The following GGPS1 variants were observed in gnomAD, a reference collection of about 807,000 sequenced individuals.
The protein encoded by GGPS1 is geranylgeranyl diphosphate synthase 1.
GGPS1 carries 15 observed loss-of-function variants against 28.1 expected under a neutral mutation model. The ratio of observed to expected loss-of-function variants is 0.53; its 90% CI spans 0.36 to 0.82. The LOEUF is 0.82. GGPS1 is among the 40% of genes least tolerant of loss of function. The probability of loss-of-function intolerance (pLI) is 0.01; values close to 1 mark genes in which losing one functional copy is unlikely to be tolerated. For synonymous variants in GGPS1, 138 were observed against 122.4 expected, an observed-to-expected ratio of 1.13 and a Z score of -0.84; for missense variants, 284 against 348.3, an observed-to-expected ratio of 0.82 and a Z score of 1.47.
At chr1:235,335,415 G>A in intron 2 of GGPS1, 81 bp downstream of exon 2, 1 of 668,978 alleles carries the variant, frequency 1.5e-6, no homozygotes, top group Admixed American at 2.6e-5. Flanking sequence ...GAAAAGGTTA[G>A]ACTTGCTAGC....
chr1:235,337,740 C>T (rs950829519), intron 2 of GGPS1, among the ~76,000 whole-genome samples: 1 of 151,420 alleles, frequency 6.6e-6, no homozygotes, highest in Non-Finnish European at 1.5e-5. Context: ...TCACAGGAGC[C>T]TAGGAGGCAG....
intron 1 of GGPS1, chr1:235,330,002 T>C (rs1186409107): frequency 6.6e-6 from 1 of 152,252 alleles, no homozygotes; most frequent in African/African-American, 2.4e-5. Context: ...TGTAGTTTTT[T>C]CACTCTAAAA....
chr1:235,331,691 C>A (rs1351795483), intron 1 of GGPS1, among the ~76,000 whole-genome samples: 3 of 150,660 alleles, frequency 2.0e-5, no homozygotes, highest in African/African-American at 7.3e-5. Flanking sequence ...GTTTCTGTGA[C>A]CCATGAGATG....
chr1:235,341,158 C>T (rs1676032494), intron 2 of GGPS1, among the ~76,000 whole-genome samples: 1 of 151,894 alleles, frequency 6.6e-6, no homozygotes, highest in Admixed American at 6.6e-5. Context: ...ATTAAAACCC[C>T]CTTTCTATAA....
intron 2 of GGPS1, among the ~76,000 whole-genome samples, chr1:235,340,608 C>T (rs1309626782): frequency 2.0e-5 from 3 of 150,646 alleles, no homozygotes; most frequent in Non-Finnish European, 4.4e-5. Context: ...TGGTAGCGGG[C>T]GCCTGTAGTC....
Position 235,335,475 on chromosome 1 carries a change from G to A in GGPS1, c.70+141G>A. 3 of 511,984 alleles carry A rather than the reference G, an allele frequency of 5.9e-6. No individual in the cohort carries two copies. In the South Asian group the frequency reaches 7.6e-5, roughly 13 times the overall value. The allele number at this position is 511,984 out of a possible 1,614,324, so 31.7% of individuals were successfully genotyped here. ...ATGCGTATGAGAAAAATGATAAATA[G>A]AACATTATAATTTTTTCTTTATTAA... On this transcript the variant is annotated intron_variant, in intron 2 of 3. Coordinates refer to ENST00000282841, the MANE Select transcript of GGPS1 (RefSeq NM_004837.4).
intron 2 of GGPS1, among the ~76,000 whole-genome samples, chr1:235,338,893 G>T (rs2103346953): frequency 6.6e-6 from 1 of 152,090 alleles, no homozygotes; most frequent in East Asian, 1.9e-4. Flanking sequence ...GCCGGGCGTG[G>T]TGGGTCACAC....
chr1:235,338,681 G>A (rs1000637354), intron 2 of GGPS1, among the ~76,000 whole-genome samples: 2 of 151,966 alleles, frequency 1.3e-5, no homozygotes, highest in African/African-American at 4.8e-5. Flanking sequence ...AGACCAGCCT[G>A]GGCAACAGGG....
At chr1:235,340,336 C>T (rs1252317931) in intron 2 of GGPS1, among the ~76,000 whole-genome samples, 1 of 151,202 alleles carries the variant, frequency 6.6e-6, no homozygotes, top group African/African-American at 2.4e-5. Flanking sequence ...CGGGCGTGGT[C>T]GCTTGCACCT....
intron 1 of GGPS1, among the ~76,000 whole-genome samples, chr1:235,332,156 T>A (rs945591559): frequency 1.3e-5 from 2 of 152,198 alleles, no homozygotes; most frequent in African/African-American, 4.8e-5. Context: ...TCAGGACTTT[T>A]AGGGGGTCCA....
At chr1:235,339,369 G>A (rs1675962580) in intron 2 of GGPS1, among the ~76,000 whole-genome samples, 1 of 152,170 alleles carries the variant, frequency 6.6e-6, no homozygotes, top group South Asian at 2.1e-4. Context: ...TCGGGAGGCT[G>A]AGACAGGAGA....
At chr1:235,332,384 C>T (rs1245015863) in intron 1 of GGPS1, among the ~76,000 whole-genome samples, 1 of 152,172 alleles carries the variant, frequency 6.6e-6, no homozygotes, top group African/African-American at 2.4e-5. Flanking sequence ...CATTTTGCTG[C>T]AAATGACATG....
chr1:235,331,630 CTT>C (rs574821998), intron 1 of GGPS1, among the ~76,000 whole-genome samples: 40 of 131,728 alleles, frequency 3.0e-4, no homozygotes, highest in African/African-American at 3.6e-4. Context: ...ATACACCGGG[CTT>C]TTTTTTTTTT....
intron 2 of GGPS1, among the ~76,000 whole-genome samples, chr1:235,337,941 T>C (rs1282010733): frequency 1.3e-5 from 2 of 150,736 alleles, no homozygotes; most frequent in Admixed American, 1.3e-4. Context: ...CTAGATGAGG[T>C]GAAGGGTGGG....
intron 1 of GGPS1, among the ~76,000 whole-genome samples, chr1:235,333,347 G>A (rs745830920): frequency 1.3e-5 from 2 of 151,444 alleles, no homozygotes; most frequent in Non-Finnish European, 2.9e-5. Flanking sequence ...CGGGTGGATC[G>A]CCTGAGGTCA....
rs186437427 is a variant in GGPS1, at chr1:235,336,255, G to A, written c.70+921G>A. Reference sequence around the variant, plus strand: ...AAAACACAAAAGTTAGCTGGGCATGGTGGCGCATGCCTGTAGTCCCAGCTA... The same window carrying A: ...AAAACACAAAAGTTAGCTGGGCATGATGGCGCATGCCTGTAGTCCCAGCTA... On this transcript the variant is annotated intron_variant, in intron 2 of 3. Coordinates refer to ENST00000282841, the MANE Select transcript of GGPS1 (RefSeq NM_004837.4). Among the ~76,000 whole-genome samples, 354 of 152,284 alleles carry A rather than the reference G, an allele frequency of 2.3e-3. 1 individual carries two copies. Among genetic ancestry groups the A allele is most frequent in the Non-Finnish European group, 4.0e-3 (275 of 68,028 alleles).
chr1:235,335,760 G>A (rs1333232006), intron 2 of GGPS1, among the ~76,000 whole-genome samples: 1 of 152,124 alleles, frequency 6.6e-6, no homozygotes, highest in Non-Finnish European at 1.5e-5. Flanking sequence ...AAAACATTTT[G>A]GTATCTCATT....
chr1:235,332,967 C>CT (rs1675760305), intron 1 of GGPS1, among the ~76,000 whole-genome samples: 1 of 148,798 alleles, frequency 6.7e-6, no homozygotes, highest in African/African-American at 2.5e-5. Flanking sequence ...ACTCAGAAGG[C>CT]TGAGTCAGGA....
At chr1:235,329,616 G>C (rs1675626167) in intron 1 of GGPS1, 1 of 150,132 alleles carries the variant, frequency 6.7e-6, no homozygotes, top group Non-Finnish European at 1.5e-5. Flanking sequence ...CCCTGTGGCG[G>C]AAGGGAGCTT....
Sources: gnomAD v4.1 joint callset for allele counts (sites outside exome capture counted in the v4.1 genomes callset) on GRCh38, gnomAD v4.1.1 for gene constraint, MANE v1.5 for transcripts, NCBI Gene and HGNC (gene_info 2026-07-23, HGNC 2026-07-21) for gene names.